The following TSPEAR variants were observed in gnomAD, a reference collection of about 807,000 sequenced individuals.
TSPEAR encodes the protein thrombospondin type laminin G domain and EAR repeats, also known as thrombospondin-type laminin G domain and EAR repeat-containing protein.
A neutral mutation model predicts 71.6 loss-of-function variants in TSPEAR; 69 were observed. That is an observed-to-expected ratio of 0.96 (90% CI 0.79 to 1.18). The LOEUF (loss-of-function observed/expected upper bound fraction) is 1.18. TSPEAR is among the 50% of genes most tolerant of loss of function. TSPEAR has a pLI of 0.00. For missense variants in TSPEAR, 971 were observed against 894.9 expected (o/e 1.09, Z -1.09); for synonymous variants, 402 against 387.2 (o/e 1.04, Z -0.45).
At chr21:44,616,815 C>G (rs1295567449) in intron 1 of TSPEAR, among the ~76,000 whole-genome samples, 2 of 152,264 alleles carry the variant, frequency 1.3e-5, no homozygotes, top group African/African-American at 4.8e-5. Context: ...CCCGCACAAG[C>G]CTCAGCCTCT....
chr21:44,706,086 C>T (rs893584045), intron 1 of TSPEAR, among the ~76,000 whole-genome samples: 8 of 152,198 alleles, frequency 5.3e-5, no homozygotes, highest in South Asian at 2.1e-4. Context: ...GCAGGTCCCC[C>T]GATAACCCCC....
chr21:44,699,122 G>A (rs1601579761), intron 1 of TSPEAR, among the ~76,000 whole-genome samples: 1 of 152,110 alleles, frequency 6.6e-6, no homozygotes, highest in Non-Finnish European at 1.5e-5. Flanking sequence ...CACTCGAGCC[G>A]GGAGGCGGAG....
chr21:44,662,157 A>T (rs1985530190), intron 1 of TSPEAR, among the ~76,000 whole-genome samples: 1 of 152,218 alleles, frequency 6.6e-6, no homozygotes, highest in Non-Finnish European at 1.5e-5. Context: ...ATTAAATTAA[A>T]TGCAAATCAT....
intron 1 of TSPEAR, chr21:44,646,406 A>ACT: frequency 1.3e-6 from 2 of 1,564,200 alleles, no homozygotes; most frequent in South Asian, 2.4e-5. Context: ...ACTCACACAC[A>ACT]CACTCACACA....
rs2053023121 is a variant in TSPEAR, at chr21:44,533,699, G to A, written c.528C>T (p.Gly176=). The change falls in exon 3 of 12, where the codon GGC becomes GGT. Residue 176 remains glycine (G), a synonymous_variant. Transcript: ENST00000323084. The part of the protein sequence containing the change: ...AGVFSLTTDC[G]LPVDIMADVP... ...TGGGTACCTACATGTCCACCGGGAG[G>A]CCGCAGTCCGTGGTGAGGGAGAAGA... The A allele has an allele frequency of 6.2e-7, 1 of 1,608,782 alleles. No homozygotes were observed. Among genetic ancestry groups the A allele is most frequent in the Non-Finnish European group, 8.5e-7 (1 of 1,177,486 alleles).
chr21:44,580,307 G>T (rs782813695), intron 1 of TSPEAR: 2 of 1,614,028 alleles, frequency 1.2e-6, no homozygotes, highest in Non-Finnish European at 1.7e-6. Flanking sequence ...GCAGCAGACG[G>T]GCACGCAGCA....
At chr21:44,518,380 G>A (rs587656694) in intron 9 of TSPEAR, 2 of 434,920 alleles carry the variant, frequency 4.6e-6, no homozygotes, top group Middle Eastern at 3.5e-4. Context: ...GTGCAGTGTC[G>A]TGAAGAAGAC....
chr21:44,707,552 A>G (rs1456379148), intron 1 of TSPEAR, among the ~76,000 whole-genome samples: 3 of 152,128 alleles, frequency 2.0e-5, no homozygotes, highest in Non-Finnish European at 4.4e-5. Flanking sequence ...CTCAGCCCTA[A>G]AGCTAAACAT....
chr21:44,595,759 T>A (rs1166183280), intron 1 of TSPEAR, among the ~76,000 whole-genome samples: 1 of 152,238 alleles, frequency 6.6e-6, no homozygotes, highest in African/African-American at 2.4e-5. Context: ...TGTAAACATA[T>A]ATGCACATAC....
chr21:44,523,874 G>T (rs587729419), intron 8 of TSPEAR, among the ~76,000 whole-genome samples: 1 of 150,514 alleles, frequency 6.6e-6, no homozygotes, highest in African/African-American at 2.4e-5. Flanking sequence ...TCAGGTAGTT[G>T]GTCAGTCATG....
intron 1 of TSPEAR, among the ~76,000 whole-genome samples, chr21:44,655,491 T>A (rs1985090714): frequency 6.6e-6 from 1 of 151,994 alleles, no homozygotes; most frequent in Non-Finnish European, 1.5e-5. Context: ...TTCCCACGAG[T>A]AGCACTAATG....
chr21:44,518,714 C>T, intron 9 of TSPEAR: 1 of 470,538 alleles, frequency 2.1e-6, no homozygotes, highest in Non-Finnish European at 4.4e-6. Flanking sequence ...AAGTGACTGC[C>T]TACGTCTTCT....
intron 9 of TSPEAR, among the ~76,000 whole-genome samples, chr21:44,515,201 A>AAT (rs1229820317): frequency 6.6e-6 from 1 of 152,272 alleles, no homozygotes; most frequent in Non-Finnish European, 1.5e-5. Context: ...ATTTCAACAC[A>AAT]ATGTGAGAAA....
chr21:44,575,811 A>G (rs1978398740), intron 1 of TSPEAR, among the ~76,000 whole-genome samples: 1 of 152,152 alleles, frequency 6.6e-6, no homozygotes, highest in South Asian at 2.1e-4. Flanking sequence ...CAGACAGGCG[A>G]TTGGAATTGG....
rs782330932 is a variant in TSPEAR at position 44,558,161 on chromosome 21, C to T, written c.303+9624G>A. On this transcript the variant is annotated intron_variant, in intron 2 of 11. Transcript: ENST00000323084. ...AGGAGGCCGGGCGGCAGCAGCTGGG[C>T]TGGCAGGTGGAGGCAGGGGCACAGC... 2.0e-4 allele frequency: 328 copies of T among 1,609,544 alleles called. 2 individuals carry two copies. Among genetic ancestry groups the T allele is most frequent in the Middle Eastern group, 3.3e-4 (2 of 6,044 alleles).
chr21:44,530,013 A>G lies in TSPEAR; in HGVS notation c.634-59T>C, dbSNP rs1269399422. The G allele has an allele frequency of 2.7e-6, 4 of 1,469,858 alleles. No individual in the cohort carries two copies. The East Asian group carries it at 9.7e-5, about 36-fold the overall frequency. The allele number at this position is 1,469,858 out of a possible 1,614,324, so 91.1% of individuals were successfully genotyped here. A position where few individuals can be genotyped will look rare whatever the true frequency, so the allele number is the denominator to read the frequency against. On this transcript the variant is annotated intron_variant, in intron 4 of 11. Coordinates refer to ENST00000323084, the MANE Select transcript of TSPEAR (RefSeq NM_144991.3). ...GCTGCTGGGGAAGGACCCGCTGAGG[A>G]GGCGACCACTGAGCTTGGCCCATCC...
At chr21:44,543,207 A>T (rs1446229247) in intron 2 of TSPEAR, among the ~76,000 whole-genome samples, 1 of 152,218 alleles carries the variant, frequency 6.6e-6, no homozygotes, top group Non-Finnish European at 1.5e-5. Flanking sequence ...GAAGTGTAAC[A>T]AAAGAAGAAC....
intron 1 of TSPEAR, chr21:44,627,505 C>T (rs1555934691): frequency 9.8e-6 from 15 of 1,536,776 alleles, no homozygotes; most frequent in Non-Finnish European, 1.3e-5. Flanking sequence ...GTGCTGCGTG[C>T]CCGTCTGCTG....
At chr21:44,647,322 C>G in intron 1 of TSPEAR, 1 of 1,613,916 alleles carries the variant, frequency 6.2e-7, no homozygotes, top group Admixed American at 1.7e-5. Context: ...TGGCCTGCTA[C>G]AGCCTCTGCT....
Sources: gnomAD v4.1 joint callset for allele counts (sites outside exome capture counted in the v4.1 genomes callset) on GRCh38, gnomAD v4.1.1 for gene constraint, MANE v1.5 for transcripts, NCBI Gene and HGNC (gene_info 2026-07-23, HGNC 2026-07-21) for gene names.